Variants in PAX3 observed in about 807,000 individuals in gnomAD.
PAX3 encodes the protein paired box protein Pax-3.
PAX3 carries 14 observed loss-of-function variants against 51.6 expected under a neutral mutation model. That is an observed-to-expected ratio of 0.27 (90% CI 0.18 to 0.42). The LOEUF (loss-of-function observed/expected upper bound fraction) is 0.42. Ranked by LOEUF, PAX3 falls within the 10% of genes least tolerant of loss-of-function variation. The pLI, the probability that PAX3 is intolerant of heterozygous loss-of-function variation, is 1.00. For synonymous variants in PAX3, 280 were observed against 253.4 expected (o/e 1.11, Z -1.00); for missense variants, 540 against 642.8 (o/e 0.84, Z 1.73).
At chr2:222,277,961 G>T (rs1307766585) in intron 4 of PAX3, among the ~76,000 whole-genome samples, 1 of 142,372 alleles carries the variant, frequency 7.0e-6, no homozygotes, top group African/African-American at 2.5e-5. Flanking sequence ...TTGAGTTTTT[G>T]TGTGATTTCT....
intron 4 of PAX3, among the ~76,000 whole-genome samples, chr2:222,247,062 T>C (rs931430613): frequency 5.9e-5 from 9 of 152,228 alleles, no homozygotes; most frequent in Non-Finnish European, 7.3e-5. Context: ...TCTCTCCTTC[T>C]ATTCTCACAA....
chr2:222,212,394 A>G (rs1691773299), intron 7 of PAX3, among the ~76,000 whole-genome samples: 1 of 152,134 alleles, frequency 6.6e-6, no homozygotes, highest in African/African-American at 2.4e-5. Context: ...CCTTCAATGT[A>G]GACACGTTAC....
chr2:222,294,155 G>C lies in PAX3; in HGVS notation c.586+12C>G. ...ACCCAGCAAGTGCGCCGCCCAAGGC[G>C]CCACCGCTTACCTCGCTCGCTCAGG... On this transcript the variant is annotated intron_variant, in intron 4 of 8. Coordinates refer to ENST00000392070, the MANE Select transcript of PAX3 (RefSeq NM_181458.4). 1 of 1,614,116 alleles carries C rather than the reference G, an allele frequency of 6.2e-7. No individual in the cohort carries two copies. The highest frequency in any genetic ancestry group is 1.1e-5 in the South Asian group (1 of 91,080).
At chr2:222,207,931 G>A (rs1290295116) in intron 7 of PAX3, among the ~76,000 whole-genome samples, 1 of 151,398 alleles carries the variant, frequency 6.6e-6, no homozygotes, top group Non-Finnish European at 1.5e-5. Context: ...GATATAAAGG[G>A]TTTTTCAGGC....
chr2:222,201,648 A>G (rs900901035), intron 8 of PAX3: 31 of 1,350,978 alleles, frequency 2.3e-5, no homozygotes, highest in Non-Finnish European at 3.0e-5. Context: ...CTCATTAAGA[A>G]CATGTGTTTC....
intron 7 of PAX3, among the ~76,000 whole-genome samples, chr2:222,216,609 C>T (rs780011353): frequency 1.3e-5 from 2 of 152,106 alleles, no homozygotes; most frequent in African/African-American, 2.4e-5. Flanking sequence ...ATCTATGATG[C>T]GCCATTTGGC....
At chr2:222,260,565 G>GTTTTTTTTTTTTTTTTTTTTTTTTT (rs869129158) in intron 4 of PAX3, among the ~76,000 whole-genome samples, 1 of 55,850 alleles carries the variant, frequency 1.8e-5, no homozygotes, top group Non-Finnish European at 3.6e-5. Flanking sequence ...TTTTTTTTTT[G>GTTTTTTTTTTTTTTTTTTTTTTTTT]TTTTTTTTTT....
At chr2:222,204,336 G>A (rs1691423407) in intron 7 of PAX3, among the ~76,000 whole-genome samples, 1 of 151,998 alleles carries the variant, frequency 6.6e-6, no homozygotes, top group Non-Finnish European at 1.5e-5. Context: ...ATTTAAATTA[G>A]TTCCTGGATA....
At chr2:222,293,690 G>A (rs183139451) in intron 4 of PAX3, 27 of 1,614,134 alleles carry the variant, frequency 1.7e-5, no homozygotes, top group South Asian at 5.5e-5. Flanking sequence ...TTGGAGGGCC[G>A]TTGCCCAAAA....
At chr2:222,248,572 A>G (rs1693312071) in intron 4 of PAX3, among the ~76,000 whole-genome samples, 1 of 152,110 alleles carries the variant, frequency 6.6e-6, no homozygotes, top group South Asian at 2.1e-4. Context: ...AACCACACTT[A>G]TTTCTCTGAT....
intron 4 of PAX3, chr2:222,265,011 G>A (rs546062544): frequency 1.3e-5 from 2 of 152,266 alleles, no homozygotes; most frequent in African/African-American, 2.4e-5. Flanking sequence ...ACTTGGGGAT[G>A]GCCAGACGAC....
At chr2:222,219,041 C>T (rs1180843926) in intron 7 of PAX3, among the ~76,000 whole-genome samples, 5 of 152,046 alleles carry the variant, frequency 3.3e-5, no homozygotes, top group African/African-American at 4.8e-5. Context: ...TTGAAGAAAA[C>T]GAAGAGGCAA....
At chr2:222,235,889 A>C (rs1692781460) in intron 4 of PAX3, among the ~76,000 whole-genome samples, 1 of 152,244 alleles carries the variant, frequency 6.6e-6, no homozygotes, top group East Asian at 1.9e-4. Flanking sequence ...TAGACTGTTT[A>C]TTCAAAAGCA....
chr2:222,271,324 C>A (rs1694245597), intron 4 of PAX3, among the ~76,000 whole-genome samples: 1 of 152,196 alleles, frequency 6.6e-6, no homozygotes, highest in Non-Finnish European at 1.5e-5. Flanking sequence ...AAGACCTCTG[C>A]AAATCCAGCT....
In PAX3 at chr2:222,268,526, T is replaced by G. The variant is rs1694136258; in HGVS notation, c.586+25641A>C. On this transcript the variant is annotated intron_variant, in intron 4 of 8. Coordinates refer to ENST00000392070, the MANE Select transcript of PAX3 (RefSeq NM_181458.4). ...GCTATGCGGTTACCACGGAGGGCTT[T>G]CCGGTTGCCTCTCCCCAAGGGTGTT... Among the ~76,000 whole-genome samples, 7 of 152,112 alleles carry G rather than the reference T, an allele frequency of 4.6e-5. No homozygotes were observed. In the South Asian group the frequency reaches 1.4e-3, roughly 32 times the overall value.
chr2:222,206,138 A>G (rs996057490), intron 7 of PAX3, among the ~76,000 whole-genome samples: 1 of 148,358 alleles, frequency 6.7e-6, no homozygotes, highest in Non-Finnish European at 1.5e-5. Flanking sequence ...TTTTGTACCA[A>G]TTTTTTTTTT....
At chr2:222,242,594 T>C (rs138903701) in intron 4 of PAX3, 1 of 152,264 alleles carries the variant, frequency 6.6e-6, no homozygotes, top group African/African-American at 2.4e-5. Flanking sequence ...ATTTGAGAAA[T>C]AGGATTGATG....
At chr2:222,228,751 A>G (rs1692474360) in intron 5 of PAX3, among the ~76,000 whole-genome samples, 1 of 152,134 alleles carries the variant, frequency 6.6e-6, no homozygotes, top group Non-Finnish European at 1.5e-5. Context: ...CCTGAGCAAC[A>G]TAGCAAGACC....
At chr2:222,242,901 C>T (rs1693072407) in intron 4 of PAX3, among the ~76,000 whole-genome samples, 1 of 152,172 alleles carries the variant, frequency 6.6e-6, no homozygotes, top group Non-Finnish European at 1.5e-5. Flanking sequence ...TTGCCTTCAT[C>T]CTTATTTTCC....
Sources: gnomAD v4.1 joint callset for allele counts (sites outside exome capture counted in the v4.1 genomes callset) on GRCh38, gnomAD v4.1.1 for gene constraint, MANE v1.5 for transcripts, NCBI Gene and HGNC (gene_info 2026-07-23, HGNC 2026-07-21) for gene names.